MGST1: variants seen among roughly 807,000 people sequenced by gnomAD.
The protein encoded by MGST1 is microsomal glutathione S-transferase 1.
A neutral mutation model predicts 8.9 loss-of-function variants in MGST1; 5 were observed. The observed-to-expected ratio is 0.56, with a 90% confidence interval of 0.29 to 1.19. The LOEUF is 1.19. Ranked by LOEUF, MGST1 falls within the 50% of genes most tolerant of loss-of-function variation. MGST1 has a pLI of 0.08. For synonymous variants in MGST1, 54 were observed against 67.8 expected (o/e 0.80, Z 1.00); for missense variants, 182 against 187.4 (o/e 0.97, Z 0.17).
chr12:16,552,112 A>T (rs933174823), intron 4 of MGST1, among the ~76,000 whole-genome samples: 13 of 152,176 alleles, frequency 8.5e-5, no homozygotes, highest in African/African-American at 2.6e-4. Context: ...AATGTTTTTA[A>T]TAAGTGTTCT....
intron 1 of MGST1, among the ~76,000 whole-genome samples, chr12:16,395,802 TATACAC>T (rs1340323071): frequency 3.7e-5 from 5 of 135,710 alleles, no homozygotes; most frequent in African/African-American, 1.2e-4. Flanking sequence ...TATATATATA[TATACAC>T]ACACACACAC....
exon 2 of MGST1, chr12:16,438,595 T>G (rs1591728280): frequency 6.6e-6 from 1 of 152,046 alleles, no homozygotes; most frequent in East Asian, 1.9e-4. Context: ...TAAATTCTGT[T>G]GTAATTCTTC....
At chr12:16,430,410 A>G (rs1407055021) in intron 1 of MGST1, among the ~76,000 whole-genome samples, 1 of 152,218 alleles carries the variant, frequency 6.6e-6, no homozygotes, top group Non-Finnish European at 1.5e-5. Context: ...GATCCATCAG[A>G]GGAATCACTA....
downstream of MGST1, among the ~76,000 whole-genome samples, chr12:16,439,172 T>C (rs1449729914): frequency 2.6e-5 from 4 of 151,510 alleles, no homozygotes; most frequent in Non-Finnish European, 4.4e-5. Flanking sequence ...CATAGAACCC[T>C]GTCACAAAAC....
chr12:16,571,852 T>C (rs1257498583), intron 4 of MGST1, among the ~76,000 whole-genome samples: 2 of 152,060 alleles, frequency 1.3e-5, no homozygotes, highest in Admixed American at 6.5e-5. Context: ...TAACATTGTC[T>C]TAAAACTCAT....
chr12:16,373,530 T>C (rs552314894), intron 3 of MGST1, among the ~76,000 whole-genome samples: 2 of 152,128 alleles, frequency 1.3e-5, no homozygotes, highest in South Asian at 2.1e-4. Context: ...AACTGTTATG[T>C]ATCCGTATCC....
Position 16,364,200 on chromosome 12 carries a change from C to T in MGST1, c.*159C>T. The T allele has an allele frequency of 1.5e-6, 2 of 1,297,852 alleles. No homozygotes were observed. Among genetic ancestry groups the T allele is most frequent in the Non-Finnish European group, 2.0e-6 (2 of 1,022,382 alleles). 80.4% of individuals were successfully genotyped at this position (1,297,852 alleles called of 1,614,324 possible). ...ATTAGCATTGCCAATATCCTGTATTCTTGTTTTACATTTGGATTAGAAATT... is the reference window on the plus strand; with the variant it reads ...ATTAGCATTGCCAATATCCTGTATTTTTGTTTTACATTTGGATTAGAAATT... On this transcript the variant is annotated 3_prime_UTR_variant, in exon 4 of 4. Coordinates refer to ENST00000396210, the MANE Select transcript of MGST1 (RefSeq NM_020300.5). The surrounding 1 kb of genome is among the most constrained non-coding windows in gnomAD (Gnocchi z 5.7).
chr12:16,446,354 C>T (rs1941079491), intron 4 of MGST1, among the ~76,000 whole-genome samples: 1 of 151,904 alleles, frequency 6.6e-6, no homozygotes, highest in South Asian at 2.1e-4. Flanking sequence ...TTTCACTTAA[C>T]AGGTTGTAGG....
At position 16,576,960 on chromosome 12, in the gene MGST1, C is replaced by G. The variant is rs1372897600; in HGVS notation, n.483-12568C>G. ...TAGAAATAACCCAATAAGGGCAAAG[C>G]TATATGAGTAAAACTACACTGGAAG... On this transcript the variant is annotated intron_variant and non_coding_transcript_variant, in intron 4 of 4. Transcript: ENST00000538857. The surrounding 1 kb of genome is among the most constrained non-coding windows in gnomAD (Gnocchi z 4.1). 6.6e-6 allele frequency among the ~76,000 whole-genome samples: 1 copy of G among 152,190 alleles called. No homozygotes were observed. The highest frequency in any genetic ancestry group is 2.4e-5 in the African/African-American group (1 of 41,448).
rs185492011 is a variant in MGST1 at position 16,582,100 on chromosome 12, C to T, written n.483-7428C>T. Among the ~76,000 whole-genome samples, 2 of 152,002 alleles carry T rather than the reference C, an allele frequency of 1.3e-5. No individual in the cohort carries two copies. The highest frequency in any genetic ancestry group is 6.6e-5 in the Admixed American group (1 of 15,258). The stretch of plus-strand genomic sequence containing the variant: ...TAATGGAAATTACTTTAGTATTTAG[C>T]TGTTTTATAAATTTGCAGTTAGGTT... On this transcript the variant is annotated intron_variant and non_coding_transcript_variant, in intron 4 of 4. Transcript: ENST00000538857. The surrounding 1 kb of genome is among the most constrained non-coding windows in gnomAD (Gnocchi z 4.1).
In MGST1 at chr12:16,463,957, T is replaced by C. The variant is rs1285806501; in HGVS notation, n.482+80353T>C. Among the ~76,000 whole-genome samples the C allele has an allele frequency of 2.0e-5, 3 of 152,220 alleles. No homozygotes were observed. In the East Asian group the frequency reaches 5.8e-4, roughly 29 times the overall value. On this transcript the variant is annotated intron_variant and non_coding_transcript_variant, in intron 4 of 4. Coordinates refer to the MGST1 transcript ENST00000538857. ...ATAACGTATATGACTGGCTATCACA[T>C]CATTATCTTTGGAGGCCACAGGGCA...
intron 4 of MGST1, among the ~76,000 whole-genome samples, chr12:16,527,022 A>T (rs1941691578): frequency 6.6e-6 from 1 of 152,020 alleles, no homozygotes; most frequent in Non-Finnish European, 1.5e-5. Flanking sequence ...TGAGCAGAAG[A>T]ATTCCTAGGC....
chr12:16,394,554 CTTTCTTTCTTTCTTTCTTTCT>C (rs1940587713), intron 1 of MGST1, among the ~76,000 whole-genome samples: 7 of 82,010 alleles, frequency 8.5e-5, no homozygotes, highest in East Asian at 1.0e-3. Context: ...TTCTTTCTTT[CTTTCTTTCTTTCTTTCTTTCT>C]TCTCTCTGTC....
rs1349128639 is a variant in MGST1, at chr12:16,589,102, G to A, written n.483-426G>A. Among the ~76,000 whole-genome samples, 1 of 152,094 alleles carries A rather than the reference G, an allele frequency of 6.6e-6. No individual in the cohort carries two copies. Among genetic ancestry groups the A allele is most frequent in the East Asian group, 1.9e-4 (1 of 5,190 alleles). On this transcript the variant is annotated intron_variant and non_coding_transcript_variant, in intron 4 of 4. Transcript: ENST00000538857. The surrounding 1 kb of genome is among the most constrained non-coding windows in gnomAD (Gnocchi z 4.2). ...TCAGGTCTGGATACCTCACCGTGATGCAACCTGACATGCCTCTAAGATCTA... is the reference window on the plus strand; with the variant it reads ...TCAGGTCTGGATACCTCACCGTGATACAACCTGACATGCCTCTAAGATCTA...
intron 3 of MGST1, among the ~76,000 whole-genome samples, chr12:16,371,567 C>T (rs1359678523): frequency 1.3e-5 from 2 of 152,068 alleles, no homozygotes; most frequent in East Asian, 3.9e-4. Context: ...TACTAATGAA[C>T]ATTTGCAATC....
intron 2 of MGST1, chr12:16,354,668 A>G (rs2136938666): frequency 5.0e-6 from 1 of 201,212 alleles, no homozygotes; most frequent in East Asian, 1.3e-4. Flanking sequence ...ACTTTCTTTC[A>G]TTTTGGAATT....
chr12:16,452,713 T>C (rs1047100420), intron 4 of MGST1, among the ~76,000 whole-genome samples: 2 of 151,844 alleles, frequency 1.3e-5, no homozygotes, highest in Admixed American at 1.3e-4. Flanking sequence ...TTTTAATTAT[T>C]ATGGTAAACT....
Position 16,552,956 on chromosome 12 carries a change from T to C in MGST1, n.483-36572T>C, listed in dbSNP as rs148142240. Among the ~76,000 whole-genome samples, 847 of 152,210 alleles carry C rather than the reference T, an allele frequency of 5.6e-3. 3 individuals carry two copies. Among genetic ancestry groups the C allele is most frequent in the Non-Finnish European group, 8.3e-3 (564 of 67,946 alleles). ...GGTCCAAACTCTACCTTCCCACTTA[T>C]GATAATTGAAAATAAAACTTTGGTT... On this transcript the variant is annotated intron_variant and non_coding_transcript_variant, in intron 4 of 4. Transcript: ENST00000538857.
rs770166803 is a variant in MGST1, at chr12:16,357,648, A to G, written c.170A>G (p.Glu57Gly). The change falls in exon 3 of 4, where the codon GAA becomes GGA. Residue 57 changes from glutamate (E) to glycine (G), a missense_variant. Physicochemically the swap from Glu to Gly is moderately conservative, Grantham distance 98. Coordinates refer to ENST00000396210, the MANE Select transcript of MGST1 (RefSeq NM_020300.5). ...GACTGTGTAGCATTTGGCAAAGGAG[A>G]AAATGCCAAGAAGTATCTTCGAACA... ...PEDCVAFGKGENAKKYLRTDD... is the reference protein window; with the variant it reads ...PEDCVAFGKGGNAKKYLRTDD... The G allele has an allele frequency of 1.9e-6, 3 of 1,613,280 alleles. No homozygotes were observed. Among genetic ancestry groups the G allele is most frequent in the Non-Finnish European group, 8.5e-7 (1 of 1,179,928 alleles).
Sources: gnomAD v4.1 joint callset for allele counts (sites outside exome capture counted in the v4.1 genomes callset) on GRCh38, gnomAD v4.1.1 for gene constraint, Gnocchi (gnomAD v3.1) non-coding constraint, MANE v1.5 for transcripts, NCBI Gene and HGNC (gene_info 2026-07-23, HGNC 2026-07-21) for gene names.